The following TSG101 variants were observed in gnomAD, a reference collection of about 807,000 sequenced individuals.
TSG101 encodes tumor susceptibility gene 101 protein.
Under a neutral mutation model 48.5 loss-of-function variants are expected in TSG101, and 19 were observed. The ratio of observed to expected loss-of-function variants is 0.39; its 90% CI spans 0.27 to 0.58. The LOEUF is 0.58. TSG101 is among the 20% of genes least tolerant of loss of function. The pLI, the probability that TSG101 is intolerant of heterozygous loss-of-function variation, is 0.55. For synonymous variants in TSG101, 174 were observed against 169.4 expected (o/e 1.03, Z -0.21); for missense variants, 365 against 484.4 (o/e 0.75, Z 2.31).
chr11:18,520,200 G>A (rs1385741219), intron 1 of TSG101, among the ~76,000 whole-genome samples: 2 of 152,028 alleles, frequency 1.3e-5, no homozygotes, highest in Non-Finnish European at 2.9e-5. Flanking sequence ...GATTATCCAC[G>A]TTGTAGCATT....
intron 7 of TSG101, among the ~76,000 whole-genome samples, chr11:18,499,640 T>A (rs989143390): frequency 7.3e-5 from 11 of 151,034 alleles, no homozygotes; most frequent in Non-Finnish European, 1.6e-4. Context: ...CTCCAACTCC[T>A]GACCTCGCAA....
intron 4 of TSG101, among the ~76,000 whole-genome samples, chr11:18,514,349 T>C (rs765082886): frequency 1.3e-5 from 2 of 152,218 alleles, no homozygotes; most frequent in Admixed American, 6.5e-5. Flanking sequence ...CAGAAATGCT[T>C]TGAGTAATCA....
At chr11:18,505,298 C>A (rs1294812597) in intron 6 of TSG101, among the ~76,000 whole-genome samples, 2 of 151,458 alleles carry the variant, frequency 1.3e-5, no homozygotes. Flanking sequence ...ACTCTGTTGG[C>A]CAGACTGGAG....
intron 7 of TSG101, among the ~76,000 whole-genome samples, chr11:18,499,239 TTATA>T (rs1010273023): frequency 8.8e-5 from 12 of 136,840 alleles, no homozygotes; most frequent in South Asian, 8.6e-4. Flanking sequence ...TGATATATAA[TTATA>T]TATTTATATA....
At chr11:18,482,202 A>G (rs1316961590) in intron 8 of TSG101, among the ~76,000 whole-genome samples, 1 of 152,224 alleles carries the variant, frequency 6.6e-6, no homozygotes, top group Admixed American at 6.5e-5. Flanking sequence ...AGAAAATCAT[A>G]AGAGGTTTTT....
intron 6 of TSG101, among the ~76,000 whole-genome samples, chr11:18,505,362 C>T (rs528851687): frequency 9.9e-5 from 15 of 151,528 alleles, no homozygotes; most frequent in African/African-American, 3.6e-4. Context: ...CTCAAGTGAT[C>T]CTTCCACCTC....
At chr11:18,519,701 A>G (rs1262288671) in intron 1 of TSG101, 98 bp from the exon 2 acceptor site, 1 of 860,772 alleles carries the variant, frequency 1.2e-6, no homozygotes, top group Non-Finnish European at 1.8e-6. Flanking sequence ...AATTGTTAAC[A>G]TTAATGAAAG....
intron 3 of TSG101, among the ~76,000 whole-genome samples, chr11:18,515,384 T>C (rs1850154072): frequency 6.6e-6 from 1 of 152,210 alleles, no homozygotes; most frequent in African/African-American, 2.4e-5. Context: ...ACATAGGTCT[T>C]AGCTAATTAC....
At chr11:18,522,637 G>T (rs1392581353) in intron 1 of TSG101, among the ~76,000 whole-genome samples, 1 of 152,128 alleles carries the variant, frequency 6.6e-6, no homozygotes, top group African/African-American at 2.4e-5. Context: ...ATTGCTAACA[G>T]CTGAAACACA....
chr11:18,483,967 G>T lies in TSG101; in HGVS notation c.746C>A (p.Ala249Asp). 1 of 1,614,108 alleles carries T rather than the reference G, an allele frequency of 6.2e-7. No homozygotes were observed. The highest frequency in any genetic ancestry group is 8.5e-7 in the Non-Finnish European group (1 of 1,180,048). The change falls in exon 8 of 10, where the codon GCC becomes GAC. Residue 249 changes from alanine (A) to aspartate (D), a missense_variant. Physicochemically the swap from Ala to Asp is moderately radical, Grantham distance 126. Transcript: ENST00000251968. ...TTTCAAGGCATTGAGCTCTGCCTGGGCACGATCCATTTCCTCCTTCATCCG... is the reference window on the plus strand; with the variant it reads ...TTTCAAGGCATTGAGCTCTGCCTGGTCACGATCCATTTCCTCCTTCATCCG... ...RWRMKEEMDR[A>D]QAELNALKRT...
chr11:18,514,649 C>CTAATTCACAGAACACTATGAATACTTACG, intron 4 of TSG101, 29 bp downstream of exon 4: 2 of 1,496,230 alleles, frequency 1.3e-6, no homozygotes, highest in Non-Finnish European at 1.8e-6. Context: ...TAAAACATAA[C>CTAATTCACAGAACACTATGAATACTTACG]TAATTCACAG....
chr11:18,506,791 T>C, intron 6 of TSG101, 66 bp downstream of exon 6: 2 of 1,351,932 alleles, frequency 1.5e-6, no homozygotes, highest in Admixed American at 4.5e-5. Flanking sequence ...ATTAGCAAAT[T>C]ATTTTGATTC....
chr11:18,509,289 T>C (rs1031400803), intron 5 of TSG101, among the ~76,000 whole-genome samples: 3 of 152,226 alleles, frequency 2.0e-5, no homozygotes, highest in African/African-American at 7.2e-5. Flanking sequence ...TCTAGCTCTA[T>C]TCTACACTTT....
At chr11:18,495,090 C>T (rs1849753603) in intron 7 of TSG101, among the ~76,000 whole-genome samples, 1 of 152,174 alleles carries the variant, frequency 6.6e-6, no homozygotes, top group Non-Finnish European at 1.5e-5. Flanking sequence ...CCCTGAATCT[C>T]TGTTAATAGC....
intron 4 of TSG101, among the ~76,000 whole-genome samples, chr11:18,510,752 A>G (rs1850065555): frequency 6.7e-6 from 1 of 150,160 alleles, no homozygotes; most frequent in Non-Finnish European, 1.5e-5. Context: ...GTTTGAGACC[A>G]GCCTGGTCTC....
chr11:18,515,531 C>T (rs1276955297), intron 3 of TSG101, among the ~76,000 whole-genome samples: 1 of 152,196 alleles, frequency 6.6e-6, no homozygotes, highest in Non-Finnish European at 1.5e-5. Flanking sequence ...TTAGCATTAT[C>T]ACCAACATCA....
chr11:18,481,656 C>T lies in TSG101; in HGVS notation c.1057G>A (p.Val353Met), dbSNP rs770747339. 7.4e-6 allele frequency: 12 copies of T among 1,613,992 alleles called. No individual in the cohort carries two copies. The highest frequency in any genetic ancestry group is 2.2e-5 in the East Asian group (1 of 44,894). ...TTCAGGAAGACATCCAGGTCTATCA[C>T]GCCCCTTCTCAAGGCTTCTCCCAAG... ...FYLGEALRRG[V>M]IDLDVFLKHV... The change falls in exon 9 of 10, where the codon GTG (valine) becomes ATG (methionine). Residue 353 changes from valine to methionine, a missense_variant. Transcript: ENST00000251968.
At chr11:18,526,391 G>C (rs748582786) in intron 1 of TSG101, among the ~76,000 whole-genome samples, 8 of 152,070 alleles carry the variant, frequency 5.3e-5, no homozygotes, top group Non-Finnish European at 1.2e-4. Context: ...CCTAGATTGG[G>C]ACAGGAGTAG....
At chr11:18,513,751 C>A (rs146780518) in intron 4 of TSG101, among the ~76,000 whole-genome samples, 1 of 152,306 alleles carries the variant, frequency 6.6e-6, no homozygotes, top group African/African-American at 2.4e-5. Flanking sequence ...GCCCTTTGCC[C>A]AGATTCTCAG....
Sources: gnomAD v4.1 joint callset for allele counts (sites outside exome capture counted in the v4.1 genomes callset) on GRCh38, gnomAD v4.1.1 for gene constraint, MANE v1.5 for transcripts, NCBI Gene and HGNC (gene_info 2026-07-23, HGNC 2026-07-21) for gene names.